NAV2: variants seen among roughly 807,000 people sequenced by gnomAD.
NAV2 encodes neuron navigator 2.
In NAV2, 54 loss-of-function variants were observed where a neutral mutation model predicts 223.2. That is an observed-to-expected ratio of 0.24 (90% CI 0.19 to 0.30). NAV2 has a LOEUF of 0.30. NAV2 is among the 10% of genes least tolerant of loss of function. The probability of loss-of-function intolerance (pLI) is 1.00; values close to 1 mark genes in which losing one functional copy is unlikely to be tolerated. For missense variants in NAV2, 2,806 were observed against 3,147.5 expected, an observed-to-expected ratio of 0.89 and a Z score of 2.60; for synonymous variants, 1,279 against 1,239.3, an observed-to-expected ratio of 1.03 and a Z score of -0.67.
rs1222560087 is a variant in NAV2, at chr11:19,556,962, T to A, written c.75+205935T>A. On this transcript the variant is annotated intron_variant, in intron 1 of 37. Coordinates refer to the NAV2 transcript ENST00000360655. ...CTAGGGGATTTATGGACCTTGATTTTAAAAATCTCTGTATCAGAGTTTTTT... is the reference window on the plus strand; with the variant it reads ...CTAGGGGATTTATGGACCTTGATTTAAAAAATCTCTGTATCAGAGTTTTTT... Among the ~76,000 whole-genome samples the A allele has an allele frequency of 2.6e-5, 4 of 152,254 alleles. No individual in the cohort carries two copies. The East Asian group carries it at 7.7e-4, about 29-fold the overall frequency.
chr11:19,741,687 G>GTATATATA (rs1156844957), intron 1 of NAV2, among the ~76,000 whole-genome samples: 6 of 21,066 alleles, frequency 2.8e-4, no homozygotes, highest in African/African-American at 5.3e-4. Flanking sequence ...GTGTGTGTGT[G>GTATATATA]TATATATATA....
At chr11:20,076,064 A>G (rs900187402) in intron 22 of NAV2, among the ~76,000 whole-genome samples, 1 of 152,154 alleles carries the variant, frequency 6.6e-6, no homozygotes, top group Non-Finnish European at 1.5e-5. Context: ...CAGTACCTGA[A>G]CAGTTCATAG....
intron 11 of NAV2, among the ~76,000 whole-genome samples, chr11:19,988,203 G>A (rs2050971077): frequency 6.6e-6 from 1 of 152,140 alleles, no homozygotes; most frequent in South Asian, 2.1e-4. Context: ...CTGTGTTTTA[G>A]CACACAACGG....
chr11:19,859,425 C>CA (rs2061565392), intron 3 of NAV2, among the ~76,000 whole-genome samples: 1 of 148,398 alleles, frequency 6.7e-6, no homozygotes, highest in Non-Finnish European at 1.5e-5. Flanking sequence ...TGAGTGGACA[C>CA]AGCACATGTT....
intron 22 of NAV2, among the ~76,000 whole-genome samples, chr11:20,072,799 T>A (rs1299850377): frequency 6.6e-6 from 1 of 152,240 alleles, no homozygotes; most frequent in Non-Finnish European, 1.5e-5. Context: ...TCCTGAGATG[T>A]TGCTGAAGTT....
intron 19 of NAV2, among the ~76,000 whole-genome samples, chr11:20,057,834 C>T (rs1333237282): frequency 1.3e-5 from 2 of 152,220 alleles, no homozygotes; most frequent in African/African-American, 4.8e-5. Flanking sequence ...AGCTGGCAGA[C>T]AGCACAACTG....
At chr11:19,498,062 T>A (rs1168526567) in intron 1 of NAV2, among the ~76,000 whole-genome samples, 1 of 152,168 alleles carries the variant, frequency 6.6e-6, no homozygotes, top group East Asian at 1.9e-4. Context: ...GACATGCACT[T>A]AGGAAGTGAT....
chr11:19,449,848 C>G (rs1212876601), intron 1 of NAV2, among the ~76,000 whole-genome samples: 3 of 141,972 alleles, frequency 2.1e-5, no homozygotes, highest in South Asian at 2.6e-4. Context: ...CCTGGCCCTT[C>G]CTTCTGCAAA....
chr11:20,053,931 A>G (rs943785604), intron 17 of NAV2, 149 bp from the exon 18 acceptor site: 3 of 811,314 alleles, frequency 3.7e-6, no homozygotes, highest in Non-Finnish European at 5.6e-6. Flanking sequence ...GAGAAACTTC[A>G]TAAGTTTCAG....
intron 1 of NAV2, among the ~76,000 whole-genome samples, chr11:19,678,016 T>C (rs2048764604): frequency 6.6e-6 from 1 of 152,104 alleles, no homozygotes; most frequent in Non-Finnish European, 1.5e-5. Context: ...AGAGAATCCA[T>C]CCCTATTGTC....
At chr11:19,767,501 T>G (rs1407148560) in intron 1 of NAV2, among the ~76,000 whole-genome samples, 1 of 152,244 alleles carries the variant, frequency 6.6e-6, no homozygotes, top group Admixed American at 6.5e-5. Flanking sequence ...GAGAGAATAA[T>G]GAAAGTCCTT....
At chr11:19,734,646 G>A (rs796516928) in intron 1 of NAV2, among the ~76,000 whole-genome samples, 14 of 152,340 alleles carry the variant, frequency 9.2e-5, no homozygotes, top group African/African-American at 3.1e-4. Flanking sequence ...GCTAATGAAG[G>A]TGGGGATGTG....
rs138521496 is a variant in NAV2, at chr11:20,064,625, C to A, written c.4884+2266C>A. Among the ~76,000 whole-genome samples, 1,319 of 152,266 alleles carry A rather than the reference C, an allele frequency of 8.7e-3. 7 individuals are homozygous for A. Among genetic ancestry groups the A allele is most frequent in the Non-Finnish European group, 0.012 (796 of 68,026 alleles). On this transcript the variant is annotated intron_variant, in intron 20 of 37. Transcript: ENST00000349880. ...AGTTCCTGGGGGCAGCCCCTTCATG[C>A]CAACCACTAGAAGTCCTTACAGTAA... is the stretch of plus-strand genomic sequence containing the variant.
At chr11:20,088,799 A>G (rs1157905453) in intron 26 of NAV2, among the ~76,000 whole-genome samples, 1 of 152,194 alleles carries the variant, frequency 6.6e-6, no homozygotes, top group African/African-American at 2.4e-5. Flanking sequence ...TGCTGGACAG[A>G]CGAGCCTCAC....
At chr11:20,029,202 G>T (rs2055435293) in intron 11 of NAV2, among the ~76,000 whole-genome samples, 1 of 152,148 alleles carries the variant, frequency 6.6e-6, no homozygotes, top group Admixed American at 6.5e-5. Flanking sequence ...AGGAACCTTT[G>T]GGATGGCTTA....
exon 1 of NAV2, chr11:19,350,920 G>A (rs1042074025): frequency 6.5e-6 from 10 of 1,548,760 alleles, no homozygotes; most frequent in South Asian, 4.8e-5. Flanking sequence ...TGGAAGCATC[G>A]CTGAAGGAGA....
chr11:19,565,694 A>T (rs1007550659), intron 1 of NAV2, among the ~76,000 whole-genome samples: 24 of 152,330 alleles, frequency 1.6e-4, no homozygotes, highest in Non-Finnish European at 3.1e-4. Context: ...TGACTACTAC[A>T]GCCCACTCCC....
intron 1 of NAV2, among the ~76,000 whole-genome samples, chr11:19,577,869 C>T (rs963103136): frequency 3.3e-5 from 5 of 152,164 alleles, no homozygotes; most frequent in African/African-American, 9.7e-5. Flanking sequence ...TAAAACCATT[C>T]TTTGAGAAGG....
intron 1 of NAV2, among the ~76,000 whole-genome samples, chr11:19,433,320 C>G (rs977842125): frequency 5.1e-4 from 78 of 152,070 alleles, no homozygotes; most frequent in African/African-American, 1.6e-3. Flanking sequence ...TCAAAGAGGG[C>G]AAGCAGAACA....
Sources: allele counts gnomAD v4.1 joint callset (sites outside exome capture counted in the v4.1 genomes callset), GRCh38; gene constraint gnomAD v4.1.1; transcripts MANE v1.5; gene names NCBI Gene and HGNC (gene_info 2026-07-23, HGNC 2026-07-21).